Variants in EIF2AK3 observed in about 807,000 individuals in gnomAD.
The protein encoded by EIF2AK3 is eukaryotic translation initiation factor 2-alpha kinase 3.
A neutral mutation model predicts 113.5 loss-of-function variants in EIF2AK3; 50 were observed. That is an observed-to-expected ratio of 0.44 (90% CI 0.35 to 0.56). EIF2AK3 has a LOEUF of 0.56. Among genes scored for constraint, EIF2AK3 ranks in the 20% least tolerant of loss-of-function variants. EIF2AK3 has a pLI of 0.00. For missense variants in EIF2AK3, 1,185 were observed against 1,378.0 expected (o/e 0.86, Z 2.22); for synonymous variants, 448 against 495.4 (o/e 0.90, Z 1.27).
chr2:88,579,419 T>C, intron 11 of EIF2AK3, 99 bp downstream of exon 11: 1 of 1,497,902 alleles, frequency 6.7e-7, no homozygotes, highest in Non-Finnish European at 9.2e-7. Flanking sequence ...TGAAACTGTT[T>C]TCTATGGTGT....
chr2:88,606,218 C>CCTA (rs1156692715), intron 2 of EIF2AK3, among the ~76,000 whole-genome samples: 205 of 151,720 alleles, frequency 1.4e-3, no homozygotes, highest in African/African-American at 4.7e-3. Flanking sequence ...TAAAAGAACA[C>CCTA]TGATTTTAAT....
intron 11 of EIF2AK3, among the ~76,000 whole-genome samples, chr2:88,577,411 G>A (rs1468391597): frequency 2.7e-4 from 41 of 150,290 alleles, no homozygotes; most frequent in Admixed American, 2.7e-3. Flanking sequence ...TACAAATAAA[G>A]TTTTAAAATC....
At chr2:88,576,800 T>C (rs1674471886) in intron 11 of EIF2AK3, 97 bp from the exon 12 acceptor site, 1 of 1,301,228 alleles carries the variant, frequency 7.7e-7, no homozygotes, top group African/African-American at 1.5e-5. Flanking sequence ...TATGTAGATG[T>C]ATTATATACC....
intron 8 of EIF2AK3, 123 bp downstream of exon 8, chr2:88,587,859 T>A: frequency 1.5e-6 from 1 of 672,260 alleles, no homozygotes; most frequent in South Asian, 2.5e-5. Flanking sequence ...TGCTTAGTAA[T>A]CATTCATGAA....
Position 88,603,067 on chromosome 2 carries a change from A to C in EIF2AK3, c.439-7404T>G, listed in dbSNP as rs1675193108. On this transcript the variant is annotated intron_variant, in intron 2 of 16. Coordinates refer to ENST00000303236, the MANE Select transcript of EIF2AK3 (RefSeq NM_004836.7). ...GAACAATTACTTTCCTAGCCATACT[A>C]GTTGTTTTGCAAACCAAGGTGATGG... is the stretch of plus-strand genomic sequence containing the variant. Among the ~76,000 whole-genome samples, 3 of 152,170 alleles carry C rather than the reference A, an allele frequency of 2.0e-5. No homozygotes were observed. In the South Asian group the frequency reaches 6.2e-4, roughly 32 times the overall value.
rs768762037 is a variant in EIF2AK3, at chr2:88,590,301, A to T, written c.1165+142T>A. ...AAGTAGCAGGAATGGAAATCGAAGTATAAATCTCAAGGGCAACGTACATCA... is the reference window on the plus strand; with the variant it reads ...AAGTAGCAGGAATGGAAATCGAAGTTTAAATCTCAAGGGCAACGTACATCA... On this transcript the variant is annotated intron_variant, in intron 6 of 16. Transcript: ENST00000303236. 375 of 852,276 alleles carry T rather than the reference A, an allele frequency of 4.4e-4. 2 individuals carry two copies. Among genetic ancestry groups the T allele is most frequent in the Non-Finnish European group, 5.7e-4 (304 of 537,238 alleles). The allele number at this position is 852,276 out of a possible 1,614,324, so 52.8% of individuals were successfully genotyped here. A position where few individuals can be genotyped will look rare whatever the true frequency, so the allele number is the denominator to read the frequency against.
chr2:88,592,027 C>G (rs1674898940), intron 4 of EIF2AK3, among the ~76,000 whole-genome samples: 1 of 152,114 alleles, frequency 6.6e-6, no homozygotes, highest in Non-Finnish European at 1.5e-5. Flanking sequence ...GGAAAGGAAA[C>G]TGAATTACAC....
chr2:88,563,984 T>C (rs987964689), intron 14 of EIF2AK3, among the ~76,000 whole-genome samples: 1 of 152,204 alleles, frequency 6.6e-6, no homozygotes, highest in Non-Finnish European at 1.5e-5. Context: ...ATATATAATG[T>C]GTTACTAAAT....
chr2:88,620,613 G>T (rs1311652302), intron 1 of EIF2AK3, among the ~76,000 whole-genome samples: 4 of 152,164 alleles, frequency 2.6e-5, no homozygotes, highest in Admixed American at 1.3e-4. Context: ...ATCTGTAGGG[G>T]TCCTGGAGCC....
chr2:88,592,357 T>A (rs572984195), intron 4 of EIF2AK3, among the ~76,000 whole-genome samples: 2 of 152,294 alleles, frequency 1.3e-5, no homozygotes, highest in African/African-American at 4.8e-5. Flanking sequence ...ACTATGAAAC[T>A]ACCTACTAGA....
At chr2:88,575,467 AAG>A (rs1674434496) in intron 12 of EIF2AK3, 21 bp from the exon 13 acceptor site, 1 of 1,601,654 alleles carries the variant, frequency 6.2e-7, no homozygotes, top group Non-Finnish European at 8.5e-7. Flanking sequence ...GAGAAATACA[AAG>A]GGGTAAGAGT....
chr2:88,585,728 G>T, intron 9 of EIF2AK3, 113 bp downstream of exon 9: 1 of 970,976 alleles, frequency 1.0e-6, no homozygotes, highest in Non-Finnish European at 1.5e-6. Flanking sequence ...TGAGAACTTT[G>T]GCAAGAGTAG....
chr2:88,557,569 A>T lies in EIF2AK3; in HGVS notation c.*167T>A, dbSNP rs973267859. On this transcript the variant is annotated 3_prime_UTR_variant, in exon 17 of 17. Transcript: ENST00000303236. ...ATAGCAAAACTCAGGAGTTGGCTCA[A>T]ATTAGGTTATGCCCCCAAATCCAGC... is the stretch of plus-strand genomic sequence containing the variant. 2.8e-6 allele frequency: 2 copies of T among 724,418 alleles called. No homozygotes were observed. The highest frequency in any genetic ancestry group is 3.5e-5 in the African/African-American group (2 of 56,878). 44.9% of individuals were successfully genotyped at this position (724,418 alleles called of 1,614,324 possible). A position where few individuals can be genotyped will look rare whatever the true frequency, so the allele number is the denominator to read the frequency against.
At chr2:88,594,024 C>T in intron 3 of EIF2AK3, 1 of 890,690 alleles carries the variant, frequency 1.1e-6, no homozygotes, top group Non-Finnish European at 1.3e-6. Context: ...GATTGAAGTG[C>T]TTTGCTCAAA....
intron 2 of EIF2AK3, chr2:88,595,888 A>C: frequency 3.3e-6 from 2 of 601,978 alleles, no homozygotes; most frequent in Non-Finnish European, 5.9e-6. Context: ...CCCAGGCCCT[A>C]CACATAGTAC....
At chr2:88,584,271 C>T (rs994298151) in intron 9 of EIF2AK3, among the ~76,000 whole-genome samples, 1 of 152,106 alleles carries the variant, frequency 6.6e-6, no homozygotes. Context: ...AATCCCAACA[C>T]TTTGGAAAGC....
chr2:88,587,397 A>G (rs1324411150), intron 8 of EIF2AK3, among the ~76,000 whole-genome samples: 2 of 152,052 alleles, frequency 1.3e-5, no homozygotes, highest in Non-Finnish European at 2.9e-5. Context: ...AAAGGCTTTC[A>G]TATCTGAATA....
intron 9 of EIF2AK3, among the ~76,000 whole-genome samples, chr2:88,584,174 G>A (rs1013881927): frequency 6.6e-6 from 1 of 152,184 alleles, no homozygotes; most frequent in East Asian, 1.9e-4. Context: ...CTGTGTAAGG[G>A]GCTGAGGAGA....
Position 88,590,932 on chromosome 2 carries a change from T to G in EIF2AK3, c.888A>C (p.Ser296=). The G allele has an allele frequency of 1.2e-6, 2 of 1,614,134 alleles. No homozygotes were observed. Among genetic ancestry groups the G allele is most frequent in the South Asian group, 2.2e-5 (2 of 91,086 alleles). The change falls in exon 5 of 17, where the codon TCA becomes TCC. Residue 296 remains serine, a synonymous_variant. Transcript: ENST00000303236. Reference sequence around the variant, plus strand: ...TGGCAGCTTCCTGTTCTTCCACATCTGAAATAATTTTAGACTCTTCTGTGT... The same window carrying G: ...TGGCAGCTTCCTGTTCTTCCACATCGGAAATAATTTTAGACTCTTCTGTGT... ...NENTEESKII[S]DVEEQEAAIM...
Sources: allele counts gnomAD v4.1 joint callset (sites outside exome capture counted in the v4.1 genomes callset), GRCh38; gene constraint gnomAD v4.1.1; transcripts MANE v1.5; gene names NCBI Gene and HGNC (gene_info 2026-07-23, HGNC 2026-07-21).